Variants in ADGRB3 observed in about 807,000 individuals in gnomAD.
The protein encoded by ADGRB3 is adhesion G protein-coupled receptor B3.
ADGRB3 carries 37 observed loss-of-function variants against 193.4 expected under a neutral mutation model. That is an observed-to-expected ratio of 0.19 (90% CI 0.15 to 0.25). The LOEUF is 0.25. Among genes scored for constraint, ADGRB3 ranks in the 10% least tolerant of loss-of-function variants. The pLI, the probability that ADGRB3 is intolerant of heterozygous loss-of-function variation, is 1.00. For missense variants in ADGRB3, 1,637 were observed against 1,852.9 expected, an observed-to-expected ratio of 0.88 and a Z score of 2.14; for synonymous variants, 690 against 644.2, an observed-to-expected ratio of 1.07 and a Z score of -1.08.
chr6:69,348,195 A>G (rs1182051171), intron 26 of ADGRB3, among the ~76,000 whole-genome samples: 1 of 152,216 alleles, frequency 6.6e-6, no homozygotes, highest in African/African-American at 2.4e-5. Context: ...AAAAAAGCTC[A>G]GACAGAGAGT....
Position 69,359,438 on chromosome 6 carries a change from G to C in ADGRB3, c.3596-1431G>C, listed in dbSNP as rs528141340. 4.4e-3 allele frequency among the ~76,000 whole-genome samples: 669 copies of C among 151,006 alleles called. 8 individuals carry two copies. Among genetic ancestry groups the C allele is most frequent in the Non-Finnish European group, 7.5e-3 (507 of 67,588 alleles). ...TTACATAAAAAGGCACAGCAAAATT[G>C]TTAATCTTAAAAAAAAGATGTAAAT... On this transcript the variant is annotated intron_variant, in intron 28 of 31. Coordinates refer to ENST00000370598, the MANE Select transcript of ADGRB3 (RefSeq NM_001704.3).
chr6:68,946,473 A>G (rs1004297077), intron 6 of ADGRB3, among the ~76,000 whole-genome samples: 6 of 152,186 alleles, frequency 3.9e-5, no homozygotes, highest in Non-Finnish European at 4.4e-5. Flanking sequence ...AAAACCTCAT[A>G]TAAATACGCT....
chr6:68,718,995 G>A (rs1008294630), intron 3 of ADGRB3, among the ~76,000 whole-genome samples: 1 of 151,738 alleles, frequency 6.6e-6, no homozygotes, highest in Non-Finnish European at 1.5e-5. Flanking sequence ...GAGTTTGCTA[G>A]CCTCTGAACT....
At chr6:68,830,627 C>G (rs748168398) in intron 3 of ADGRB3, among the ~76,000 whole-genome samples, 2 of 151,904 alleles carry the variant, frequency 1.3e-5, no homozygotes, top group African/African-American at 2.4e-5. Context: ...CTGAAAATGT[C>G]AGGAATTGAT....
intron 3 of ADGRB3, among the ~76,000 whole-genome samples, chr6:68,859,075 C>G (rs1765074071): frequency 6.6e-6 from 1 of 152,152 alleles, no homozygotes. Context: ...GAATGCCTTG[C>G]TGATTAGAAT....
intron 3 of ADGRB3, among the ~76,000 whole-genome samples, chr6:68,755,355 A>T (rs1347529765): frequency 6.6e-6 from 1 of 152,144 alleles, no homozygotes. Flanking sequence ...GTGTCCGGAC[A>T]GTTTTGACCT....
chr6:69,384,676 G>A lies in ADGRB3; in HGVS notation c.4380+1741G>A, dbSNP rs183176765. ...AATTACACCACATCTCTGCAGCAGC[G>A]TGCCTTTTCTAGAAGAGATTTATAA... is the stretch of plus-strand genomic sequence containing the variant. On this transcript the variant is annotated intron_variant, in intron 31 of 31. Transcript: ENST00000370598. Among the ~76,000 whole-genome samples the A allele has an allele frequency of 1.6e-3, 245 of 152,044 alleles. 2 individuals carry two copies. Among genetic ancestry groups the A allele is most frequent in the African/African-American group, 5.6e-3 (234 of 41,506 alleles).
At chr6:68,675,110 G>C (rs577367838) in intron 3 of ADGRB3, among the ~76,000 whole-genome samples, 3 of 152,274 alleles carry the variant, frequency 2.0e-5, no homozygotes, top group Admixed American at 2.0e-4. Flanking sequence ...TTAGTTGCTT[G>C]TGGATGGTGT....
In ADGRB3 at chr6:69,051,789, C is replaced by T. The variant is rs570209078; in HGVS notation, c.2333+2443C>T. 2.6e-4 allele frequency among the ~76,000 whole-genome samples: 40 copies of T among 152,324 alleles called. 1 individual carries two copies. In the South Asian group the frequency reaches 8.3e-3, roughly 32 times the overall value. On this transcript the variant is annotated intron_variant, in intron 15 of 31. Transcript: ENST00000370598. The stretch of plus-strand genomic sequence containing the variant: ...AGTCACTCAGCAAATATTTACTGAG[C>T]AGCGTCCCTGCTAACAGTACTGTAT...
At chr6:68,814,523 C>G (rs567969473) in intron 3 of ADGRB3, among the ~76,000 whole-genome samples, 3,597 of 152,190 alleles carry the variant, frequency 0.024, 139 homozygotes, top group African/African-American at 0.08. Context: ...ATGGTAGTTT[C>G]TTTTGCTGTG....
At chr6:68,836,781 G>A (rs77710713) in intron 3 of ADGRB3, among the ~76,000 whole-genome samples, 16,151 of 152,172 alleles carry the variant, frequency 0.11, 970 homozygotes, top group Non-Finnish European at 0.13. Flanking sequence ...CCTGAGCCCA[G>A]AAGTTTGAGA....
intron 3 of ADGRB3, among the ~76,000 whole-genome samples, chr6:68,904,783 T>C (rs945443416): frequency 6.6e-6 from 1 of 152,162 alleles, no homozygotes; most frequent in African/African-American, 2.4e-5. Context: ...ATTGGTTTGA[T>C]TTTCTCCTTT....
intron 17 of ADGRB3, among the ~76,000 whole-genome samples, chr6:69,121,513 G>A (rs554808011): frequency 5.9e-5 from 9 of 152,244 alleles, no homozygotes; most frequent in South Asian, 2.1e-4. Context: ...CTCGATGGTC[G>A]CTGTCTCTTC....
intron 13 of ADGRB3, among the ~76,000 whole-genome samples, chr6:69,038,543 A>T (rs1288410763): frequency 1.3e-5 from 2 of 152,174 alleles, no homozygotes; most frequent in Non-Finnish European, 2.9e-5. Context: ...ACAAAAATGA[A>T]TTCTACCACA....
intron 8 of ADGRB3, among the ~76,000 whole-genome samples, chr6:68,971,080 C>T (rs751890119): frequency 2.0e-5 from 3 of 152,112 alleles, no homozygotes; most frequent in Non-Finnish European, 4.4e-5. Flanking sequence ...AGCCTAAACC[C>T]AAGAAAGATA....
intron 13 of ADGRB3, among the ~76,000 whole-genome samples, chr6:69,046,546 A>C (rs999634274): frequency 6.6e-6 from 1 of 152,180 alleles, no homozygotes; most frequent in Non-Finnish European, 1.5e-5. Context: ...AACATCTATA[A>C]TTTATTTATG....
chr6:68,917,703 T>C (rs1194737797), intron 3 of ADGRB3, among the ~76,000 whole-genome samples: 1 of 152,176 alleles, frequency 6.6e-6, no homozygotes, highest in Non-Finnish European at 1.5e-5. Context: ...TAATCTCTTT[T>C]TTTGAAACAA....
chr6:69,017,098 A>G (rs969047602), intron 12 of ADGRB3, among the ~76,000 whole-genome samples: 2 of 151,860 alleles, frequency 1.3e-5, no homozygotes, highest in African/African-American at 4.8e-5. Flanking sequence ...TAAAGTTAAA[A>G]ATTGGAACTA....
chr6:68,697,270 G>A (rs148268879), intron 3 of ADGRB3, among the ~76,000 whole-genome samples: 457 of 151,892 alleles, frequency 3.0e-3, no homozygotes, highest in Non-Finnish European at 4.9e-3. Context: ...ATTTTAAGAT[G>A]GACTTCTTAA....
Sources: gnomAD v4.1 joint callset for allele counts (sites outside exome capture counted in the v4.1 genomes callset) on GRCh38, gnomAD v4.1.1 for gene constraint, MANE v1.5 for transcripts, NCBI Gene and HGNC (gene_info 2026-07-23, HGNC 2026-07-21) for gene names.